CACNA1C: variants seen among roughly 807,000 people sequenced by gnomAD.
CACNA1C encodes calcium voltage-gated channel subunit alpha1 C, also known as voltage-dependent L-type calcium channel subunit alpha-1C.
A neutral mutation model predicts 229.0 loss-of-function variants in CACNA1C; 30 were observed. That is an observed-to-expected ratio of 0.13 (90% CI 0.10 to 0.18). The LOEUF (loss-of-function observed/expected upper bound fraction) is 0.18, where lower values mean the gene tolerates loss of function less well. Ranked by LOEUF, CACNA1C falls within the 10% of genes least tolerant of loss-of-function variation. The probability of loss-of-function intolerance (pLI) is 1.00; values close to 1 mark genes in which losing one functional copy is unlikely to be tolerated. For missense variants in CACNA1C, 1,658 were observed against 2,845.0 expected, an observed-to-expected ratio of 0.58 and a Z score of 9.49; for synonymous variants, 1,114 against 1,132.5, an observed-to-expected ratio of 0.98 and a Z score of 0.33.
chr12:2,377,563 G>A (rs1010385934), intron 3 of CACNA1C, among the ~76,000 whole-genome samples: 1 of 152,124 alleles, frequency 6.6e-6, no homozygotes, highest in Non-Finnish European at 1.5e-5. Context: ...TTCGATTGTG[G>A]GAAGACAGCC....
chr12:2,599,095 G>C (rs1000134694), intron 21 of CACNA1C, among the ~76,000 whole-genome samples: 1 of 152,202 alleles, frequency 6.6e-6, no homozygotes, highest in African/African-American at 2.4e-5. Context: ...CCCTTCTACA[G>C]AGCTGCCCTT....
intron 3 of CACNA1C, among the ~76,000 whole-genome samples, chr12:2,426,386 T>A (rs1349640040): frequency 6.6e-6 from 1 of 152,110 alleles, no homozygotes; most frequent in Non-Finnish European, 1.5e-5. Context: ...GCATAGACAG[T>A]GAGTGCTGGG....
chr12:1,984,777 G>A (rs549457212), intron 1 of CACNA1C, among the ~76,000 whole-genome samples: 893 of 63,104 alleles, frequency 0.014, 8 homozygotes, highest in African/African-American at 0.05. Flanking sequence ...GGGTCTTCTG[G>A]TAAAAAAAAA....
At chr12:2,513,910 ACT>A (rs886602703) in intron 9 of CACNA1C, among the ~76,000 whole-genome samples, 7 of 151,778 alleles carry the variant, frequency 4.6e-5, no homozygotes, top group African/African-American at 1.7e-4. Flanking sequence ...AACTCTAACC[ACT>A]CTCTATATCT....
chr12:1,976,224 T>C (rs976670498), intron 1 of CACNA1C, among the ~76,000 whole-genome samples: 2 of 152,206 alleles, frequency 1.3e-5, no homozygotes, highest in Non-Finnish European at 2.9e-5. Context: ...AGTAGACGTA[T>C]AACCCTTTAT....
chr12:2,207,756 G>T (rs1010748691), intron 3 of CACNA1C, among the ~76,000 whole-genome samples: 3 of 152,200 alleles, frequency 2.0e-5, no homozygotes, highest in African/African-American at 7.2e-5. Context: ...TGAGGCTGCA[G>T]TGAGCTGAGA....
At position 2,287,377 on chromosome 12, in the gene CACNA1C, A is replaced by G. The variant is rs556251139; in HGVS notation, c.478-161599A>G. On this transcript the variant is annotated intron_variant, in intron 3 of 46. Transcript: ENST00000399655. The surrounding 1 kb of genome is among the most constrained non-coding windows in gnomAD (Gnocchi z 4.6). ...CTTGAGGCAGTGCTGCACATGGTGC[A>G]GTTCCAGAGAAATGAGGGAATGAGA... Among the ~76,000 whole-genome samples, 2 of 152,342 alleles carry G rather than the reference A, an allele frequency of 1.3e-5. No individual in the cohort carries two copies. The highest frequency in any genetic ancestry group is 6.5e-5 in the Admixed American group (1 of 15,308).
chr12:2,584,558 G>A lies in CACNA1C; in HGVS notation c.2280G>A (p.Glu760=), dbSNP rs141633456. Residue 760 remains glutamate, a synonymous_variant, in exon 16 of 47, where the codon GAG becomes GAA. Coordinates refer to ENST00000399655, the MANE Select transcript of CACNA1C (RefSeq NM_000719.7). The part of the protein sequence containing the change: ...AIAVDNLADA[E]SLTSAQKEEE... Reference sequence around the variant, plus strand: ...CTGTGGACAACCTGGCTGATGCTGAGAGCCTCACATCTGCCCAAAAGGAGG... The same window carrying A: ...CTGTGGACAACCTGGCTGATGCTGAAAGCCTCACATCTGCCCAAAAGGAGG... 3.4e-4 allele frequency: 548 copies of A among 1,613,820 alleles called. No individual in the cohort carries two copies. Among genetic ancestry groups the A allele is most frequent in the Non-Finnish European group, 4.4e-4 (525 of 1,179,880 alleles).
At chr12:2,405,514 G>A (rs544770566) in intron 3 of CACNA1C, among the ~76,000 whole-genome samples, 9 of 152,098 alleles carry the variant, frequency 5.9e-5, no homozygotes, top group East Asian at 1.9e-4. Context: ...CTTTTCTTGC[G>A]TTTCTGTGGA....
intron 1 of CACNA1C, among the ~76,000 whole-genome samples, chr12:2,063,392 C>T (rs1301845113): frequency 6.6e-6 from 1 of 152,150 alleles, no homozygotes; most frequent in Non-Finnish European, 1.5e-5. Context: ...CCTCTTGATC[C>T]ACCCGCTTGG....
chr12:2,451,247 G>C (rs975741228), intron 4 of CACNA1C, among the ~76,000 whole-genome samples: 3 of 152,206 alleles, frequency 2.0e-5, no homozygotes, highest in African/African-American at 7.2e-5. Context: ...GAATGACTCA[G>C]TAAACCATAG....
At chr12:2,323,428 T>C (rs1297739667) in intron 3 of CACNA1C, among the ~76,000 whole-genome samples, 2 of 152,090 alleles carry the variant, frequency 1.3e-5, no homozygotes, top group Non-Finnish European at 2.9e-5. Flanking sequence ...GTTGGGCCTG[T>C]TTGTGGAATA....
At chr12:2,267,356 G>GCTACTCAT (rs2082778797) in intron 3 of CACNA1C, among the ~76,000 whole-genome samples, 1 of 152,112 alleles carries the variant, frequency 6.6e-6, no homozygotes, top group African/African-American at 2.4e-5. Flanking sequence ...GGTCAGGAGA[G>GCTACTCAT]GTTAAGTGCT....
intron 3 of CACNA1C, among the ~76,000 whole-genome samples, chr12:2,302,887 C>G (rs1234441772): frequency 6.6e-6 from 1 of 152,234 alleles, no homozygotes; most frequent in East Asian, 1.9e-4. Flanking sequence ...CTGGGGTTGG[C>G]CGCTCCCAGA....
chr12:2,118,100 T>C (rs979748653), intron 2 of CACNA1C, among the ~76,000 whole-genome samples: 1 of 152,242 alleles, frequency 6.6e-6, no homozygotes, highest in Non-Finnish European at 1.5e-5. Flanking sequence ...TTACACATGA[T>C]CTTCTCTGGC....
chr12:2,628,939 C>A (rs770612794), intron 29 of CACNA1C, among the ~76,000 whole-genome samples: 3 of 152,124 alleles, frequency 2.0e-5, no homozygotes, highest in Admixed American at 6.5e-5. Context: ...ATTCACACAT[C>A]CAGAACACCT....
intron 43 of CACNA1C, among the ~76,000 whole-genome samples, chr12:2,683,698 G>A (rs2097292814): frequency 3.9e-5 from 6 of 152,190 alleles, no homozygotes. Context: ...CTTTTCCAGG[G>A]GTTTAGAGAG....
intron 13 of CACNA1C, among the ~76,000 whole-genome samples, chr12:2,577,713 GTTCATTCA>G: frequency 6.6e-6 from 1 of 152,302 alleles, no homozygotes; most frequent in Admixed American, 6.5e-5. Context: ...GAATAGTAAG[GTTCATTCA>G]TTCACTGAAC....
chr12:2,304,724 A>G (rs1421740605), intron 3 of CACNA1C, among the ~76,000 whole-genome samples: 1 of 152,118 alleles, frequency 6.6e-6, no homozygotes, highest in African/African-American at 2.4e-5. Flanking sequence ...TGCACCACAC[A>G]GGTAGATCCC....
Sources: gnomAD v4.1 joint callset for allele counts (sites outside exome capture counted in the v4.1 genomes callset) on GRCh38, gnomAD v4.1.1 for gene constraint, Gnocchi (gnomAD v3.1) non-coding constraint, MANE v1.5 for transcripts, NCBI Gene and HGNC (gene_info 2026-07-23, HGNC 2026-07-21) for gene names.